ANO4: variants seen among roughly 807,000 people sequenced by gnomAD.
ANO4 encodes anoctamin-4.
In ANO4, 69 loss-of-function variants were observed where a neutral mutation model predicts 141.9. That is an observed-to-expected ratio of 0.49 (90% CI 0.40 to 0.59). ANO4 has a LOEUF of 0.59. Among genes scored for constraint, ANO4 ranks in the 20% least tolerant of loss-of-function variants. ANO4 has a pLI of 0.00. For missense variants in ANO4, 894 were observed against 1,162.2 expected (o/e 0.77, Z 3.36); for synonymous variants, 350 against 394.3 (o/e 0.89, Z 1.33).
chr12:100,749,435 C>T (rs1270706642), intron 3 of ANO4, among the ~76,000 whole-genome samples: 1 of 152,218 alleles, frequency 6.6e-6, no homozygotes, highest in Admixed American at 6.5e-5. Flanking sequence ...CATTGCTGAG[C>T]TTTCTTCAAA....
At chr12:100,869,751 G>T (rs2038941910) in intron 1 of ANO4, among the ~76,000 whole-genome samples, 1 of 152,122 alleles carries the variant, frequency 6.6e-6, no homozygotes, top group South Asian at 2.1e-4. Context: ...AGAGATTTCA[G>T]TTTCTCATTT....
At chr12:100,736,121 C>T (rs1430846440) in intron 2 of ANO4, among the ~76,000 whole-genome samples, 2 of 152,082 alleles carry the variant, frequency 1.3e-5, no homozygotes, top group Non-Finnish European at 2.9e-5. Flanking sequence ...TTGGTGACAT[C>T]GTGAGAGCCA....
intron 1 of ANO4, among the ~76,000 whole-genome samples, chr12:100,730,913 C>T (rs1405801444): frequency 5.3e-5 from 8 of 152,192 alleles, no homozygotes; most frequent in Admixed American, 4.6e-4. Flanking sequence ...GTTTCTCTGT[C>T]CTCTGGCTTG....
chr12:100,748,436 C>T (rs895429644), intron 3 of ANO4, among the ~76,000 whole-genome samples: 1 of 152,094 alleles, frequency 6.6e-6, no homozygotes, highest in Non-Finnish European at 1.5e-5. Context: ...CACCATGTGC[C>T]CAGCCAGCCT....
intron 14 of ANO4, among the ~76,000 whole-genome samples, chr12:101,061,617 T>G (rs1400111229): frequency 1.3e-5 from 2 of 151,894 alleles, no homozygotes; most frequent in Non-Finnish European, 2.9e-5. Flanking sequence ...TCTTCACACT[T>G]TATTTCATTA....
intron 1 of ANO4, among the ~76,000 whole-genome samples, chr12:100,891,230 C>T (rs1156294373): frequency 6.6e-6 from 1 of 152,202 alleles, no homozygotes; most frequent in Admixed American, 6.5e-5. Context: ...TACTGAAGGA[C>T]ATCTTGGTTG....
At chr12:100,736,160 G>A (rs916462806) in intron 2 of ANO4, among the ~76,000 whole-genome samples, 13 of 152,150 alleles carry the variant, frequency 8.5e-5, no homozygotes, top group African/African-American at 2.7e-4. Context: ...TGGGAGCCAC[G>A]TTGCAGAGCT....
intron 2 of ANO4, among the ~76,000 whole-genome samples, chr12:100,915,588 G>T (rs2041300367): frequency 6.6e-6 from 1 of 152,040 alleles, no homozygotes; most frequent in Non-Finnish European, 1.5e-5. Flanking sequence ...CAAGTCCCAG[G>T]TTACAAGATT....
chr12:100,973,721 G>T (rs1243319548), intron 6 of ANO4, among the ~76,000 whole-genome samples: 1 of 152,142 alleles, frequency 6.6e-6, no homozygotes, highest in East Asian at 1.9e-4. Flanking sequence ...ATTAACTAAA[G>T]TCCATAGTTT....
At chr12:100,841,452 A>G (rs2037242719) in intron 1 of ANO4, among the ~76,000 whole-genome samples, 1 of 152,176 alleles carries the variant, frequency 6.6e-6, no homozygotes, top group Non-Finnish European at 1.5e-5. Context: ...AAGGCAGCAA[A>G]TAAATAAGCA....
intron 22 of ANO4, among the ~76,000 whole-genome samples, chr12:101,101,687 A>G (rs1414574120): frequency 2.3e-5 from 3 of 129,124 alleles, no homozygotes; most frequent in African/African-American, 3.9e-5. Flanking sequence ...TTGAGTCAGG[A>G]AAAAAAAAAA....
At chr12:100,728,142 T>C (rs1157297445) in intron 1 of ANO4, among the ~76,000 whole-genome samples, 1 of 152,314 alleles carries the variant, frequency 6.6e-6, no homozygotes, top group African/African-American at 2.4e-5. Context: ...AATTCCACAT[T>C]CAGTGGAAAG....
chr12:101,068,531 G>C, intron 14 of ANO4: 1 of 1,174,192 alleles, frequency 8.5e-7, no homozygotes, highest in East Asian at 2.3e-5. Flanking sequence ...ATATGATCAG[G>C]ATCTAAGTGT....
At chr12:100,810,452 A>C (rs1311056813) in intron 1 of ANO4, among the ~76,000 whole-genome samples, 1 of 152,088 alleles carries the variant, frequency 6.6e-6, no homozygotes, top group East Asian at 1.9e-4. Context: ...ATTATTTTTC[A>C]TACGGCAGTA....
At chr12:100,865,254 TA>T (rs1331358003) in intron 1 of ANO4, among the ~76,000 whole-genome samples, 4 of 152,144 alleles carry the variant, frequency 2.6e-5, no homozygotes, top group African/African-American at 9.7e-5. Context: ...GCCAACAGTG[TA>T]AAAGTGTCTA....
intron 3 of ANO4, among the ~76,000 whole-genome samples, chr12:100,744,256 T>C (rs1215417901): frequency 6.6e-6 from 1 of 152,182 alleles, no homozygotes; most frequent in Non-Finnish European, 1.5e-5. Context: ...TGGCATAGTC[T>C]CATTGTGTTA....
chr12:100,722,766 G>A (rs1478877784), intron 1 of ANO4, among the ~76,000 whole-genome samples: 1 of 152,194 alleles, frequency 6.6e-6, no homozygotes, highest in East Asian at 1.9e-4. Context: ...CTGAGGGAGT[G>A]AATGGAGTAT....
intron 1 of ANO4, among the ~76,000 whole-genome samples, chr12:100,867,377 C>T (rs1038522761): frequency 2.6e-5 from 4 of 151,964 alleles, no homozygotes; most frequent in African/African-American, 4.8e-5. Flanking sequence ...GAGCAGTAGG[C>T]GAGCCAATGG....
At chr12:101,076,314 G>C (rs627516) in intron 14 of ANO4, among the ~76,000 whole-genome samples, 102,074 of 151,986 alleles carry the variant, frequency 0.67, 34,827 homozygotes, top group East Asian at 0.87. Flanking sequence ...ACAGCTGGCA[G>C]GTGCCATCTA....
Sources: allele counts gnomAD v4.1 joint callset (sites outside exome capture counted in the v4.1 genomes callset), GRCh38; gene constraint gnomAD v4.1.1; transcripts MANE v1.5; gene names NCBI Gene and HGNC (gene_info 2026-07-23, HGNC 2026-07-21).